Variants in RASL10A observed in about 807,000 individuals in gnomAD.
RASL10A encodes ras-like protein family member 10A.
A neutral mutation model predicts 17.3 loss-of-function variants in RASL10A; 13 were observed. The observed-to-expected ratio is 0.75, with a 90% CI of 0.49 to 1.20. The LOEUF (loss-of-function observed/expected upper bound fraction) is 1.20, where lower values mean the gene tolerates loss of function less well. Ranked by LOEUF, RASL10A falls within the 50% of genes most tolerant of loss-of-function variation. The probability of loss-of-function intolerance (pLI) is 0.00; values close to 1 mark genes in which losing one functional copy is unlikely to be tolerated. For missense variants in RASL10A, 307 were observed against 310.3 expected, an observed-to-expected ratio of 0.99 and a Z score of 0.08; for synonymous variants, 159 against 142.2, an observed-to-expected ratio of 1.12 and a Z score of -0.84.
Position 29,313,488 on chromosome 22 carries a change from C to T in RASL10A, c.425G>A (p.Arg142His). The T allele has an allele frequency of 1.3e-6, 2 of 1,557,468 alleles. No individual in the cohort carries two copies. Among genetic ancestry groups the T allele is most frequent in the East Asian group, 2.4e-5 (1 of 41,954 alleles). Residue 142 changes from arginine (R) to histidine (H), a missense_variant, in exon 3 of 3, where the codon CGC becomes CAC. Coordinates refer to ENST00000216101, the MANE Select transcript of RASL10A (RefSeq NM_006477.5). Reference sequence around the variant, plus strand: ...CCTGCGCACTAGGGCGGCCAGCGCGCGCCGCGGTCCGAAGCGCAGCCGCTG... The same window carrying T: ...CCTGCGCACTAGGGCGGCCAGCGCGTGCCGCGGTCCGAAGCGCAGCCGCTG... ...DRQRLRFGPRRALAALVRRGW... is the reference protein window; with the variant it reads ...DRQRLRFGPRHALAALVRRGW...
intron 2 of RASL10A, 27 bp from the exon 3 acceptor site, chr22:29,313,595 GCGGGGACCCCA>G: frequency 6.6e-7 from 1 of 1,509,264 alleles, no homozygotes; most frequent in South Asian, 1.3e-5. Context: ...GATGAGAGAC[GCGGGGACCCCA>G]CGGCCGGAGA....
Position 29,313,578 on chromosome 22 carries a change from G to A in RASL10A, c.345-10C>T. 6.6e-7 allele frequency: 1 copy of A among 1,526,546 alleles called. No individual in the cohort carries two copies. The highest frequency in any genetic ancestry group is 8.7e-7 in the Non-Finnish European group (1 of 1,148,438). 94.6% of individuals were successfully genotyped at this position (1,526,546 alleles called of 1,614,324 possible). A position where few individuals can be genotyped will look rare whatever the true frequency, so the allele number is the denominator to read the frequency against. ...GGGCGCGCCCGCCGGCCTGGGGGCCGAATGGAGATGAGAGACGCGGGGACC... is the reference window on the plus strand; with the variant it reads ...GGGCGCGCCCGCCGGCCTGGGGGCCAAATGGAGATGAGAGACGCGGGGACC... On this transcript the variant is annotated splice_polypyrimidine_tract_variant and intron_variant, in intron 2 of 2. Transcript: ENST00000216101.
intron 1 of RASL10A, 43 bp from the exon 2 acceptor site, chr22:29,314,030 T>G: frequency 1.9e-6 from 3 of 1,605,538 alleles, no homozygotes; most frequent in Non-Finnish European, 1.7e-6. Context: ...TCCTTTCCAC[T>G]CTTCCGCTCT....
rs1266528016 is a variant in RASL10A at position 29,315,040 on chromosome 22, G to A, written c.207C>T (p.Pro69=). 1.1e-5 allele frequency: 16 copies of A among 1,510,708 alleles called. No homozygotes were observed. Among genetic ancestry groups the A allele is most frequent in the Non-Finnish European group, 1.4e-5 (16 of 1,134,370 alleles). The allele number at this position is 1,510,708 out of a possible 1,614,324, so 93.6% of individuals were successfully genotyped here. The change falls in exon 1 of 3, where the codon CCC becomes CCT. Residue 69 remains proline (P), a synonymous_variant. Transcript: ENST00000216101. This position sits in a 1 kb window ranked among gnomAD's most constrained non-coding sequence, Gnocchi z 5.5. Reference sequence around the variant, plus strand: ...CTCGAGCCGCTACCTCCGGACCCCCGGGGCTCGAGCCGGGGCCAGCGACGT... The same window carrying A: ...CTCGAGCCGCTACCTCCGGACCCCCAGGGCTCGAGCCGGGGCCAGCGACGT... ...DGDVAGPGSS[P]GGPEEWPDAK...
upstream of RASL10A, among the ~76,000 whole-genome samples, chr22:29,316,558 C>G (rs1476227203): frequency 1.3e-5 from 2 of 152,216 alleles, no homozygotes; most frequent in Non-Finnish European, 2.9e-5. Flanking sequence ...AGTTCCCCCT[C>G]CCTCGAGCTA....
At chr22:29,314,912 C>T (rs1602662772) in intron 1 of RASL10A, 116 bp downstream of exon 1, 2 of 826,500 alleles carry the variant, frequency 2.4e-6, no homozygotes, top group African/African-American at 1.8e-5. Context: ...ACACACATCC[C>T]TCCATCCCGG....
chr22:29,315,082 C>T lies in RASL10A; in HGVS notation c.165G>A (p.Leu55=), dbSNP rs756781465. ...AVLLDGAVYD[L]SIRDGDVAGP... ...CAGCGACGTCGCCGTCGCGGATGCTCAAGTCGTAGACGGCGCCGTCGAGCA... is the reference window on the plus strand; with the variant it reads ...CAGCGACGTCGCCGTCGCGGATGCTTAAGTCGTAGACGGCGCCGTCGAGCA... The change falls in exon 1 of 3, where the codon TTG becomes TTA. Residue 55 remains leucine (L), a synonymous_variant. Transcript: ENST00000216101. This position sits in a 1 kb window ranked among gnomAD's most constrained non-coding sequence, Gnocchi z 5.5. The T allele has an allele frequency of 6.6e-7, 1 of 1,524,492 alleles. No individual in the cohort carries two copies. The highest frequency in any genetic ancestry group is 1.4e-5 in the African/African-American group (1 of 70,716). The allele number at this position is 1,524,492 out of a possible 1,614,324, so 94.4% of individuals were successfully genotyped here. A position where few individuals can be genotyped will look rare whatever the true frequency, so the allele number is the denominator to read the frequency against.
At chr22:29,318,084 A>T (rs1474420827), upstream of RASL10A, among the ~76,000 whole-genome samples, 3 of 152,124 alleles carry the variant, frequency 2.0e-5, no homozygotes, top group Non-Finnish European at 2.9e-5. Flanking sequence ...TCCTTCCGAC[A>T]CTGCAAACAG....
intron 1 of RASL10A, 32 bp from the exon 2 acceptor site, chr22:29,314,019 C>T (rs1358179192): frequency 2.5e-6 from 4 of 1,608,620 alleles, no homozygotes; most frequent in African/African-American, 1.3e-5. Context: ...TTGCGGAAGC[C>T]TCCTTTCCAC....
At position 29,313,576 on chromosome 22, in the gene RASL10A, C is replaced by T; in HGVS notation, c.345-8G>A. The T allele has an allele frequency of 6.5e-7, 1 of 1,528,530 alleles. No individual in the cohort carries two copies. The highest frequency in any genetic ancestry group is 1.3e-5 in the South Asian group (1 of 79,878). The allele number at this position is 1,528,530 out of a possible 1,614,324, so 94.7% of individuals were successfully genotyped here. A position where few individuals can be genotyped will look rare whatever the true frequency, so the allele number is the denominator to read the frequency against. On this transcript the variant is annotated splice_region_variant and splice_polypyrimidine_tract_variant and intron_variant, in intron 2 of 2. Transcript: ENST00000216101. The stretch of plus-strand genomic sequence containing the variant: ...TCGGGCGCGCCCGCCGGCCTGGGGG[C>T]CGAATGGAGATGAGAGACGCGGGGA...
At chr22:29,319,758 AG>A (rs2061467442), upstream of RASL10A, 1 of 152,226 alleles carries the variant, frequency 6.6e-6, no homozygotes, top group South Asian at 2.1e-4. Context: ...AGGCCGAGGC[AG>A]GGGAATCACG....
In RASL10A at chr22:29,313,462, C is replaced by A; in HGVS notation, c.451G>T (p.Gly151Cys). 6.5e-7 allele frequency: 1 copy of A among 1,546,068 alleles called. No homozygotes were observed. The highest frequency in any genetic ancestry group is 8.7e-7 in the Non-Finnish European group (1 of 1,151,324). Residue 151 changes from glycine to cysteine, a missense_variant, in exon 3 of 3, where the codon GGC (glycine) becomes TGC (cysteine). By Grantham distance (159) the Gly-to-Cys change is radical (BLOSUM62 -3). Coordinates refer to ENST00000216101, the MANE Select transcript of RASL10A (RefSeq NM_006477.5). ...CACTCGAGGTAGCCGCAGCGCCAGCCCCTGCGCACTAGGGCGGCCAGCGCG... is the reference window on the plus strand; with the variant it reads ...CACTCGAGGTAGCCGCAGCGCCAGCACCTGCGCACTAGGGCGGCCAGCGCG... ...RRALAALVRR[G>C]WRCGYLECSA...
rs766996947 is a variant in RASL10A at position 29,315,242 on chromosome 22, C to A, written c.5G>T (p.Gly2Val). MGGSLRVAVLGA... is the reference protein window; with the variant it reads MVGSLRVAVLGA... ...TAGAACGGCCACCCGCAGGCTACCCCCCATGGCCGGCCGGCGCTGTCGCTC... is the reference window on the plus strand; with the variant it reads ...TAGAACGGCCACCCGCAGGCTACCCACCATGGCCGGCCGGCGCTGTCGCTC... Residue 2 changes from glycine (G) to valine (V), a missense_variant, in exon 1 of 3, where the codon GGG becomes GTG. Physicochemically the swap from Gly to Val is moderately radical, Grantham distance 109 (BLOSUM62 -3). Transcript: ENST00000216101. This position sits in a 1 kb window ranked among gnomAD's most constrained non-coding sequence, Gnocchi z 5.5. 53 of 1,480,344 alleles carry A rather than the reference C, an allele frequency of 3.6e-5. No homozygotes were observed. Among genetic ancestry groups the A allele is most frequent in the Non-Finnish European group, 4.3e-5 (48 of 1,124,578 alleles). 91.7% of individuals were successfully genotyped at this position (1,480,344 alleles called of 1,614,324 possible).
chr22:29,314,113 C>T (rs2061438540), intron 1 of RASL10A, 126 bp from the exon 2 acceptor site: 1 of 1,324,314 alleles, frequency 7.6e-7, no homozygotes, highest in Non-Finnish European at 1.0e-6. Context: ...TGTGCCCCTC[C>T]CCCAAGCTTT....
In RASL10A at chr22:29,315,202, C is replaced by G. The variant is rs760041181; in HGVS notation, c.45G>C (p.Val15=). The G allele has an allele frequency of 1.3e-6, 2 of 1,532,940 alleles. No homozygotes were observed. Among genetic ancestry groups the G allele is most frequent in the Admixed American group, 1.9e-5 (1 of 51,678 alleles). 95.0% of individuals were successfully genotyped at this position (1,532,940 alleles called of 1,614,324 possible). ...LRVAVLGAPG[V]GKTAIIRQFL... is the part of the protein sequence containing the mutation. ...ACTGGCGGATGATGGCCGTCTTGCC[C>G]ACGCCCGGGGCGCCTAGAACGGCCA... Residue 15 remains valine, a synonymous_variant, in exon 1 of 3, where the codon GTG becomes GTC. Transcript: ENST00000216101. This position sits in a 1 kb window ranked among gnomAD's most constrained non-coding sequence, Gnocchi z 5.5.
chr22:29,317,656 G>T (rs528259876), upstream of RASL10A, among the ~76,000 whole-genome samples: 1 of 152,138 alleles, frequency 6.6e-6, no homozygotes, highest in Admixed American at 6.5e-5. Flanking sequence ...ACAAAACCCA[G>T]AAGTCTGAAA....
upstream of RASL10A, chr22:29,316,836 A>G (rs2061456500): frequency 1.3e-5 from 2 of 151,746 alleles, no homozygotes; most frequent in African/African-American, 4.9e-5. Flanking sequence ...TAAAAAACAG[A>G]AAACAGGAAA....
upstream of RASL10A, among the ~76,000 whole-genome samples, chr22:29,316,369 G>A (rs2061454317): frequency 1.3e-5 from 2 of 152,182 alleles, no homozygotes; most frequent in South Asian, 2.1e-4. Flanking sequence ...AGAGGGTGCC[G>A]AGACCACAGC....
chr22:29,314,110 C>G, intron 1 of RASL10A, 123 bp from the exon 2 acceptor site: 1 of 1,327,884 alleles, frequency 7.5e-7, no homozygotes, highest in Non-Finnish European at 1.0e-6. Flanking sequence ...CTCTGTGCCC[C>G]TCCCCCAAGC....
Sources: gnomAD v4.1 joint callset for allele counts (sites outside exome capture counted in the v4.1 genomes callset) on GRCh38, gnomAD v4.1.1 for gene constraint, Gnocchi (gnomAD v3.1) non-coding constraint, MANE v1.5 for transcripts, NCBI Gene and HGNC (gene_info 2026-07-23, HGNC 2026-07-21) for gene names.